YME1L1: variants seen among roughly 807,000 people sequenced by gnomAD.
YME1L1 encodes ATP-dependent zinc metalloprotease YME1L1.
A neutral mutation model predicts 90.4 loss-of-function variants in YME1L1; 39 were observed. The ratio of observed to expected loss-of-function variants is 0.43; its 90% CI spans 0.33 to 0.56. The LOEUF (loss-of-function observed/expected upper bound fraction) is 0.56, where lower values mean the gene tolerates loss of function less well. YME1L1 is among the 20% of genes least tolerant of loss of function. The probability of loss-of-function intolerance (pLI) is 0.03; values close to 1 mark genes in which losing one functional copy is unlikely to be tolerated. For missense variants in YME1L1, 617 were observed against 868.4 expected, an observed-to-expected ratio of 0.71 and a Z score of 3.64; for synonymous variants, 284 against 287.3, an observed-to-expected ratio of 0.99 and a Z score of 0.12.
At chr10:27,150,846 T>C (rs2057204735) in intron 1 of YME1L1, among the ~76,000 whole-genome samples, 1 of 151,984 alleles carries the variant, frequency 6.6e-6, no homozygotes, top group Admixed American at 6.5e-5. Flanking sequence ...GCAGCTCCTC[T>C]GCCTATGGAG....
At chr10:27,127,986 AAG>A (rs2056938296) in intron 8 of YME1L1, among the ~76,000 whole-genome samples, 1 of 152,250 alleles carries the variant, frequency 6.6e-6, no homozygotes, top group Non-Finnish European at 1.5e-5. Context: ...TGTAGGAATA[AAG>A]AAGAGATTAA....
intron 8 of YME1L1, among the ~76,000 whole-genome samples, chr10:27,127,437 AAT>A (rs1051842186): frequency 6.6e-6 from 1 of 152,208 alleles, no homozygotes. Flanking sequence ...CTTGTATAAA[AAT>A]AGTCACACCA....
In YME1L1 at chr10:27,116,846, C is replaced by T. The variant is rs563071785; in HGVS notation, c.1720-501G>A. On this transcript the variant is annotated intron_variant, in intron 15 of 18. Coordinates refer to ENST00000376016, the MANE Select transcript of YME1L1 (RefSeq NM_014263.4). The stretch of plus-strand genomic sequence containing the variant: ...AGTTTGAGAGTAGACTGGGCAACAT[C>T]GCGAGACTCCATCAATATAAAATAA... Among the ~76,000 whole-genome samples the T allele has an allele frequency of 2.1e-3, 325 of 151,354 alleles. 1 individual carries two copies. Among genetic ancestry groups the T allele is most frequent in the African/African-American group, 7.4e-3 (306 of 41,224 alleles).
intron 13 of YME1L1, among the ~76,000 whole-genome samples, 177 bp from the exon 14 acceptor site, chr10:27,119,626 T>C (rs1273116473): frequency 6.6e-6 from 1 of 152,130 alleles, no homozygotes; most frequent in Admixed American, 6.5e-5. Context: ...CTGGCCAACA[T>C]GGTGAAACCC....
At chr10:27,127,093 G>A (rs535632851) in intron 8 of YME1L1, among the ~76,000 whole-genome samples, 1 of 152,268 alleles carries the variant, frequency 6.6e-6, no homozygotes, top group South Asian at 2.1e-4. Flanking sequence ...ACCTAGAGAG[G>A]AGCATTCTAA....
At chr10:27,112,336 C>T (rs983955962) in intron 18 of YME1L1, among the ~76,000 whole-genome samples, 1 of 152,002 alleles carries the variant, frequency 6.6e-6, no homozygotes, top group African/African-American at 2.4e-5. Flanking sequence ...CAGAGACCAC[C>T]TCTTCTATAA....
At position 27,131,265 on chromosome 10, in the gene YME1L1, T is replaced by A. The variant is rs183239203; in HGVS notation, c.858+594A>T. Among the ~76,000 whole-genome samples, 496 of 152,324 alleles carry A rather than the reference T, an allele frequency of 3.3e-3. 2 individuals carry two copies. The highest frequency in any genetic ancestry group is 0.011 in the African/African-American group (471 of 41,580). On this transcript the variant is annotated intron_variant, in intron 8 of 18. Transcript: ENST00000376016. ...ATACTCTACTTTTTCTTACATCACA[T>A]ATCAGTGTCCAATTACTGCTTTTAG...
chr10:27,136,658 C>T (rs919756263), intron 4 of YME1L1, among the ~76,000 whole-genome samples: 1 of 151,856 alleles, frequency 6.6e-6, no homozygotes, highest in Non-Finnish European at 1.5e-5. Flanking sequence ...TCTATCATGC[C>T]CAGCTTATAG....
intron 7 of YME1L1, among the ~76,000 whole-genome samples, chr10:27,132,627 T>C (rs1431672273): frequency 6.6e-6 from 1 of 151,662 alleles, no homozygotes; most frequent in Non-Finnish European, 1.5e-5. Flanking sequence ...CGAGACCATC[T>C]TGGCTAACGG....
At position 27,146,269 on chromosome 10, in the gene YME1L1, G is replaced by C. The variant is rs140448830; in HGVS notation, c.169-679C>G. 236 of 152,292 alleles carry C rather than the reference G, an allele frequency of 1.5e-3. 1 individual carries two copies. Among genetic ancestry groups the C allele is most frequent in the African/African-American group, 5.3e-3 (220 of 41,562 alleles). The allele number at this position is 152,292 out of a possible 1,614,324, so 9.4% of individuals were successfully genotyped here. ...CTCACTCCTCTGGCCTCATTGCTTA[G>C]ATCCTTCCTTGAACTCAGAGGTTCT... On this transcript the variant is annotated intron_variant, in intron 2 of 18. Coordinates refer to ENST00000376016, the MANE Select transcript of YME1L1 (RefSeq NM_014263.4).
intron 9 of YME1L1, among the ~76,000 whole-genome samples, chr10:27,125,530 A>G (rs2056909618): frequency 6.6e-6 from 1 of 150,412 alleles, no homozygotes; most frequent in African/African-American, 2.4e-5. Flanking sequence ...TGAACTGGGG[A>G]AGTGGGTAGG....
intron 8 of YME1L1, 44 bp downstream of exon 8, chr10:27,131,815 A>T (rs764051176): frequency 1.0e-5 from 15 of 1,453,968 alleles, no homozygotes; most frequent in Non-Finnish European, 1.4e-5. Flanking sequence ...TAGAGTATCA[A>T]TTAGAGGATG....
At chr10:27,123,355 TA>T (rs1350156690) in intron 10 of YME1L1, among the ~76,000 whole-genome samples, 191 bp downstream of exon 10, 2 of 152,226 alleles carry the variant, frequency 1.3e-5, no homozygotes, top group East Asian at 3.9e-4. Context: ...ATTCATATAG[TA>T]AGTTACCCAA....
chr10:27,151,776 G>T (rs987223580), intron 1 of YME1L1, among the ~76,000 whole-genome samples: 3 of 152,120 alleles, frequency 2.0e-5, no homozygotes, highest in Admixed American at 2.0e-4. Flanking sequence ...AGCTACTTGG[G>T]AGGCTGAGGC....
chr10:27,149,139 T>G, intron 1 of YME1L1, 99 bp from the exon 2 acceptor site: 1 of 1,074,198 alleles, frequency 9.3e-7, no homozygotes, highest in Non-Finnish European at 1.3e-6. Context: ...AAAGGTACAT[T>G]ATATATCAAC....
At chr10:27,131,759 T>A in intron 8 of YME1L1, 100 bp downstream of exon 8, 1 of 837,448 alleles carries the variant, frequency 1.2e-6, no homozygotes, top group Non-Finnish European at 1.8e-6. Context: ...TGGACACAAT[T>A]TTACCTATTC....
In YME1L1 at chr10:27,154,278, G is replaced by C. The variant is rs1412438633; in HGVS notation, c.-68C>G. 6.5e-7 allele frequency: 1 copy of C among 1,545,496 alleles called. No homozygotes were observed. The highest frequency in any genetic ancestry group is 8.8e-7 in the Non-Finnish European group (1 of 1,141,364). On this transcript the variant is annotated 5_prime_UTR_variant, in exon 1 of 19. Transcript: ENST00000376016. ...TGCCCCTCTGTCCACGGCCCGGCGG[G>C]GAGGCGCTGAGCCCTTCTTTTTTCC... is the stretch of plus-strand genomic sequence containing the variant.
chr10:27,120,572 ATATAAAT>A (rs780096967), intron 12 of YME1L1, 25 bp from the exon 13 acceptor site: 123 of 1,575,990 alleles, frequency 7.8e-5, no homozygotes, highest in Non-Finnish European at 1.0e-4. Flanking sequence ...CAAAAGGAAA[ATATAAAT>A]TAAAACTATT....
intron 3 of YME1L1, among the ~76,000 whole-genome samples, chr10:27,144,599 T>G (rs2057122920): frequency 6.6e-6 from 1 of 152,184 alleles, no homozygotes; most frequent in Non-Finnish European, 1.5e-5. Context: ...AAAAAAAATG[T>G]AGACATTCCA....
Sources: allele counts gnomAD v4.1 joint callset (sites outside exome capture counted in the v4.1 genomes callset), GRCh38; gene constraint gnomAD v4.1.1; transcripts MANE v1.5; gene names NCBI Gene and HGNC (gene_info 2026-07-23, HGNC 2026-07-21).